The following GSE1 variants were observed in gnomAD, a reference collection of about 807,000 sequenced individuals.
The protein encoded by GSE1 is Gse1 coiled-coil protein, also known as genetic suppressor element 1.
Under a neutral mutation model 112.6 loss-of-function variants are expected in GSE1, and 32 were observed. The observed-to-expected ratio is 0.28, with a 90% CI of 0.21 to 0.38. The LOEUF (loss-of-function observed/expected upper bound fraction) is 0.38, where lower values mean the gene tolerates loss of function less well. Ranked by LOEUF, GSE1 falls within the 10% of genes least tolerant of loss-of-function variation. The pLI is 1.00. For synonymous variants in GSE1, 1,115 were observed against 735.6 expected (o/e 1.52, Z -8.35); for missense variants, 2,348 against 1,699.2 (o/e 1.38, Z -6.71).
intron 1 of GSE1, among the ~76,000 whole-genome samples, chr16:85,343,781 C>G (rs2046673955): frequency 6.6e-6 from 1 of 152,052 alleles, no homozygotes; most frequent in African/African-American, 2.4e-5. Flanking sequence ...AGGCAAAAAT[C>G]AAAATGATGT....
At chr16:85,489,546 G>T (rs550774405) in intron 2 of GSE1, among the ~76,000 whole-genome samples, 8 of 146,352 alleles carry the variant, frequency 5.5e-5, no homozygotes, top group African/African-American at 2.0e-4. Flanking sequence ...TGCCCACCCC[G>T]CAGCGCCTGC....
At chr16:85,672,262 T>C (rs558364559) in intron 15 of GSE1, 143 bp from the exon 16 acceptor site, 185 of 650,422 alleles carry the variant, frequency 2.8e-4, no homozygotes, top group Middle Eastern at 1.2e-3. Flanking sequence ...CCAAAAGTGC[T>C]GGGATTACAG....
intron 1 of GSE1, among the ~76,000 whole-genome samples, chr16:85,241,966 C>A (rs1305855271): frequency 1.3e-5 from 2 of 152,092 alleles, no homozygotes; most frequent in Non-Finnish European, 2.9e-5. Context: ...GCTCATCTCT[C>A]CCAGTTGCTG....
intron 2 of GSE1, among the ~76,000 whole-genome samples, chr16:85,383,458 C>T (rs1163225830): frequency 2.6e-5 from 4 of 151,516 alleles, no homozygotes; most frequent in Admixed American, 2.0e-4. Flanking sequence ...CATGTACACA[C>T]AGTCTGTCAC....
chr16:85,301,531 T>C (rs1465631641), intron 1 of GSE1, among the ~76,000 whole-genome samples: 1 of 152,250 alleles, frequency 6.6e-6, no homozygotes, highest in Non-Finnish European at 1.5e-5. Context: ...CTGCCCTGCA[T>C]GGGCACCGGA....
intron 2 of GSE1, among the ~76,000 whole-genome samples, chr16:85,384,920 T>G (rs978570973): frequency 2.6e-5 from 4 of 152,216 alleles, no homozygotes; most frequent in African/African-American, 9.6e-5. Context: ...AGGTAGGAGA[T>G]CCGGCCTTGC....
chr16:85,567,748 G>T (rs2045820537), intron 1 of GSE1, among the ~76,000 whole-genome samples: 1 of 152,178 alleles, frequency 6.6e-6, no homozygotes, highest in Non-Finnish European at 1.5e-5. Context: ...TTTGAGACAG[G>T]GTCTCGCTCT....
chr16:85,570,470 A>G (rs1286479671), intron 1 of GSE1, among the ~76,000 whole-genome samples: 1 of 152,182 alleles, frequency 6.6e-6, no homozygotes, highest in Non-Finnish European at 1.5e-5. Flanking sequence ...CTGCAGAGAG[A>G]GTCATGAAAA....
At chr16:85,348,825 C>G (rs1037446278) in intron 1 of GSE1, among the ~76,000 whole-genome samples, 1 of 152,154 alleles carries the variant, frequency 6.6e-6, no homozygotes, top group African/African-American at 2.4e-5. Context: ...CTTTTTATTT[C>G]TTCAAGCCCT....
At chr16:85,612,521 C>A (rs1379167118), upstream of GSE1, among the ~76,000 whole-genome samples, 1 of 152,142 alleles carries the variant, frequency 6.6e-6, no homozygotes, top group South Asian at 2.1e-4. Flanking sequence ...CGAAGCGGCG[C>A]CTCCGTGGGT....
chr16:85,226,475 G>T (rs1348634782), intron 1 of GSE1, among the ~76,000 whole-genome samples: 1 of 152,222 alleles, frequency 6.6e-6, no homozygotes, highest in Non-Finnish European at 1.5e-5. Flanking sequence ...GCCTGACCAA[G>T]GGGGCTGCTG....
rs138842561 is a variant in GSE1 at position 85,675,416 on chromosome 16, C to A, written c.*2877C>A. The A allele has an allele frequency of 2.6e-5, 4 of 152,322 alleles. No individual in the cohort carries two copies. The East Asian group carries it at 7.7e-4, about 29-fold the overall frequency. The allele number at this position is 152,322 out of a possible 1,614,324, so 9.4% of individuals were successfully genotyped here. A position where few individuals can be genotyped will look rare whatever the true frequency, so the allele number is the denominator to read the frequency against. ...GACTGACATGATAAAATATCATGTTCCTAATCTGTTGTCTCAGATAAGTGA... is the reference window on the plus strand; with the variant it reads ...GACTGACATGATAAAATATCATGTTACTAATCTGTTGTCTCAGATAAGTGA... On this transcript the variant is annotated 3_prime_UTR_variant, in exon 16 of 16. Coordinates refer to ENST00000253458, the MANE Select transcript of GSE1 (RefSeq NM_014615.5).
intron 1 of GSE1, among the ~76,000 whole-genome samples, chr16:85,262,110 C>T (rs903705903): frequency 2.0e-5 from 3 of 152,150 alleles, no homozygotes; most frequent in Non-Finnish European, 4.4e-5. Flanking sequence ...GGCATCTCCC[C>T]GGCGGGTGCT....
At chr16:85,263,699 A>G (rs940805784) in intron 1 of GSE1, among the ~76,000 whole-genome samples, 2 of 152,054 alleles carry the variant, frequency 1.3e-5, no homozygotes, top group South Asian at 2.1e-4. Flanking sequence ...CAGCCTCCCA[A>G]GTAGCTGGGA....
At chr16:85,606,422 C>A (rs139330160), upstream of GSE1, among the ~76,000 whole-genome samples, 192 of 152,352 alleles carry the variant, frequency 1.3e-3, no homozygotes, top group African/African-American at 4.5e-3. Flanking sequence ...GCCCTGAACG[C>A]GGACCTGGTC....
intron 1 of GSE1, among the ~76,000 whole-genome samples, chr16:85,331,578 C>CATGTGTAT (rs1567693179): frequency 1.8e-4 from 2 of 10,984 alleles, no homozygotes; most frequent in Non-Finnish European, 3.0e-4. Flanking sequence ...TATATGTGTA[C>CATGTGTAT]ATGTGTATAT....
At chr16:85,652,564 G>T (rs1197874886) in intron 3 of GSE1, among the ~76,000 whole-genome samples, 1 of 151,078 alleles carries the variant, frequency 6.6e-6, no homozygotes, top group African/African-American at 2.5e-5. Flanking sequence ...CGGCGGCGGC[G>T]GCTCCTCCAG....
chr16:85,310,035 C>T (rs1400602019), intron 1 of GSE1, among the ~76,000 whole-genome samples: 1 of 152,272 alleles, frequency 6.6e-6, no homozygotes, highest in Non-Finnish European at 1.5e-5. Context: ...CAGCGCCTGT[C>T]AGTCGGCCCG....
Position 85,280,691 on chromosome 16 carries a change from C to T in GSE1, c.2284-76772C>T, listed in dbSNP as rs537047759. On this transcript the variant is annotated intron_variant, in intron 1 of 2. Coordinates refer to the GSE1 transcript ENST00000637419. ...GATTACAGGCGTGAGCCACAGCACC[C>T]GGCCACATGGTCTCTTTAATTTGGG... Among the ~76,000 whole-genome samples the T allele has an allele frequency of 3.2e-4, 48 of 152,314 alleles. 1 individual carries two copies. Among genetic ancestry groups the T allele is most frequent in the African/African-American group, 1.0e-3 (42 of 41,570 alleles).
Sources: allele counts gnomAD v4.1 joint callset (sites outside exome capture counted in the v4.1 genomes callset), GRCh38; gene constraint gnomAD v4.1.1; transcripts MANE v1.5; gene names NCBI Gene and HGNC (gene_info 2026-07-23, HGNC 2026-07-21).